PALLD: variants seen among roughly 807,000 people sequenced by gnomAD.
PALLD encodes palladin, cytoskeletal associated protein.
In PALLD, 61 loss-of-function variants were observed where a neutral mutation model predicts 123.5. The ratio of observed to expected loss-of-function variants is 0.49; its 90% CI spans 0.40 to 0.61. The LOEUF is 0.61. Ranked by LOEUF, PALLD falls within the 20% of genes least tolerant of loss-of-function variation. PALLD has a pLI of 0.00. For synonymous variants in PALLD, 465 were observed against 496.4 expected, an observed-to-expected ratio of 0.94 and a Z score of 0.84; for missense variants, 1,273 against 1,377.0, an observed-to-expected ratio of 0.92 and a Z score of 1.20.
intron 2 of PALLD, among the ~76,000 whole-genome samples, chr4:168,533,405 T>G (rs558515209): frequency 6.6e-6 from 1 of 152,228 alleles, no homozygotes; most frequent in African/African-American, 2.4e-5. Flanking sequence ...AGGAATGTTT[T>G]GAAGATATTT....
chr4:168,657,300 C>T lies in PALLD; in HGVS notation c.909-10890C>T, dbSNP rs140259455. On this transcript the variant is annotated intron_variant, in intron 2 of 21. Coordinates refer to ENST00000505667, the MANE Select transcript of PALLD (RefSeq NM_001166108.2). ...ATGTTTAACTTTGTTTAACCCAGTG[C>T]TTGGTAAACCTATTTGGCCACAGAA... 6.0e-3 allele frequency among the ~76,000 whole-genome samples: 908 copies of T among 152,332 alleles called. 6 individuals carry two copies. The highest frequency in any genetic ancestry group is 0.014 in the South Asian group (69 of 4,824).
At chr4:168,629,811 A>T (rs560768495) in intron 2 of PALLD, among the ~76,000 whole-genome samples, 20 of 152,326 alleles carry the variant, frequency 1.3e-4, no homozygotes, top group African/African-American at 4.6e-4. Flanking sequence ...TGACACCACT[A>T]ACAGCTGCCA....
At chr4:168,785,051 C>T (rs1736489687) in intron 10 of PALLD, among the ~76,000 whole-genome samples, 1 of 118,382 alleles carries the variant, frequency 8.4e-6, no homozygotes, top group African/African-American at 3.6e-5. Flanking sequence ...CTTTTTTCTC[C>T]CTTTTGCTTT....
At chr4:168,499,304 G>C (rs1340498377) in intron 1 of PALLD, among the ~76,000 whole-genome samples, 1 of 80,222 alleles carries the variant, frequency 1.2e-5, no homozygotes, top group African/African-American at 4.9e-5. Context: ...GGATGGGAGG[G>C]AGGAAGGGAG....
At chr4:168,891,831 A>C (rs1754194523) in intron 11 of PALLD, among the ~76,000 whole-genome samples, 1 of 152,152 alleles carries the variant, frequency 6.6e-6, no homozygotes, top group Non-Finnish European at 1.5e-5. Flanking sequence ...TTTCCATGGT[A>C]TGTACTACTT....
rs1469692702 is a variant in PALLD, at chr4:168,922,091, A to C, written c.3058+350A>C. 3.0e-5 allele frequency among the ~76,000 whole-genome samples: 3 copies of C among 100,532 alleles called. No homozygotes were observed. The East Asian group carries it at 8.6e-4, about 29-fold the overall frequency. 66.0% of individuals were successfully genotyped at this position (100,532 alleles called of 152,430 possible). Reference sequence around the variant, plus strand: ...TATATATAAAGTTTTATATTTATATATATATATATATACACACACACACAC... The same window carrying C: ...TATATATAAAGTTTTATATTTATATCTATATATATATACACACACACACAC... On this transcript the variant is annotated intron_variant, in intron 18 of 21. Coordinates refer to ENST00000505667, the MANE Select transcript of PALLD (RefSeq NM_001166108.2).
intron 2 of PALLD, among the ~76,000 whole-genome samples, chr4:168,573,459 A>G (rs919236167): frequency 2.6e-5 from 4 of 152,130 alleles, no homozygotes; most frequent in African/African-American, 9.7e-5. Context: ...CCCAGTGTCC[A>G]AAACACCTTG....
intron 10 of PALLD, among the ~76,000 whole-genome samples, chr4:168,803,076 G>A (rs1739592236): frequency 6.6e-6 from 1 of 152,180 alleles, no homozygotes; most frequent in Non-Finnish European, 1.5e-5. Context: ...ATTGGTGATT[G>A]AATCTCAAAT....
At chr4:168,507,068 T>G (rs535577871) in intron 1 of PALLD, among the ~76,000 whole-genome samples, 1 of 152,276 alleles carries the variant, frequency 6.6e-6, no homozygotes, top group East Asian at 1.9e-4. Context: ...TCTCCTGGGC[T>G]CTAGATCAGC....
chr4:168,552,160 C>T (rs1466350518), intron 2 of PALLD, among the ~76,000 whole-genome samples: 3 of 152,072 alleles, frequency 2.0e-5, no homozygotes, highest in African/African-American at 7.2e-5. Flanking sequence ...GTTGACTCAG[C>T]CAGTAAGTGA....
At chr4:168,525,309 G>A (rs1272038402) in intron 2 of PALLD, among the ~76,000 whole-genome samples, 1 of 152,220 alleles carries the variant, frequency 6.6e-6, no homozygotes, top group Non-Finnish European at 1.5e-5. Context: ...AGCTAAGAGG[G>A]AAGCATGAAG....
chr4:168,820,381 C>T (rs1392754), intron 10 of PALLD, among the ~76,000 whole-genome samples: 100,143 of 151,790 alleles, frequency 0.66, 33,378 homozygotes, highest in Non-Finnish European at 0.71. Context: ...TGGAATATTA[C>T]GCAGCAATTA....
chr4:168,666,499 T>G (rs1779667093), intron 2 of PALLD, among the ~76,000 whole-genome samples: 1 of 152,144 alleles, frequency 6.6e-6, no homozygotes, highest in African/African-American at 2.4e-5. Context: ...ATGGGATTAA[T>G]GAACAGGGTA....
chr4:168,718,515 A>G lies in PALLD; in HGVS notation c.1964+6592A>G, dbSNP rs143785777. On this transcript the variant is annotated intron_variant, in intron 10 of 21. Transcript: ENST00000505667. The stretch of plus-strand genomic sequence containing the variant: ...TTTCCATGGAATTTCATGTATGTTC[A>G]GTTAGCTAGCCATTACTTTCATTTC... 1.4e-3 allele frequency among the ~76,000 whole-genome samples: 218 copies of G among 152,260 alleles called. 4 individuals are homozygous for G. In the East Asian group the frequency reaches 0.026, roughly 18 times the overall value.
At chr4:168,767,542 ATTTTT>A (rs5863956) in intron 10 of PALLD, among the ~76,000 whole-genome samples, 1 of 125,694 alleles carries the variant, frequency 8.0e-6, no homozygotes, top group Non-Finnish European at 1.7e-5. Flanking sequence ...CCTGTCTCTG[ATTTTT>A]TTTTTTTTTT....
Position 168,511,916 on chromosome 4 carries a change from C to T in PALLD, c.412C>T (p.Arg138Ter), listed in dbSNP as rs201653170. Residue 138 changes from arginine (R) to a stop codon, truncating the protein, a stop_gained, in exon 2 of 22, where the codon CGA (arginine) becomes TGA (stop). Transcript: ENST00000505667. LOFTEE classifies it high-confidence loss of function. Reference protein sequence around the residue: ...LTRPSYIRSLRKAEKRGAKTP... With the variant: ...LTRPSYIRSL ...CAGGCCCAGCTACATCCGGAGCCTC[C>T]GAAAGGCTGAAAAGCGTGGTGCAAA... 18 of 1,614,170 alleles carry T rather than the reference C, an allele frequency of 1.1e-5. No homozygotes were observed. Among genetic ancestry groups the T allele is most frequent in the African/African-American group, 4.0e-5 (3 of 75,028 alleles).
intron 1 of PALLD, among the ~76,000 whole-genome samples, chr4:168,508,337 G>C (rs1322463449): frequency 6.6e-6 from 1 of 152,062 alleles, no homozygotes; most frequent in African/African-American, 2.4e-5. Context: ...TTATTATTTA[G>C]TTGTAATTTG....
At chr4:168,920,227 C>T (rs1372391747) in intron 17 of PALLD, among the ~76,000 whole-genome samples, 1 of 152,188 alleles carries the variant, frequency 6.6e-6, no homozygotes, top group African/African-American at 2.4e-5. Context: ...GAACACAGAG[C>T]CTGAGTGTCT....
At chr4:168,583,929 A>AT (rs1159943327) in intron 2 of PALLD, among the ~76,000 whole-genome samples, 1 of 152,068 alleles carries the variant, frequency 6.6e-6, no homozygotes, top group Non-Finnish European at 1.5e-5. Context: ...CATAGTTTCC[A>AT]TTTTTTCTCT....
Sources: allele counts gnomAD v4.1 joint callset (sites outside exome capture counted in the v4.1 genomes callset), GRCh38; gene constraint gnomAD v4.1.1; transcripts MANE v1.5; gene names NCBI Gene and HGNC (gene_info 2026-07-23, HGNC 2026-07-21).